Variants in STX8 observed in about 807,000 individuals in gnomAD.
STX8 encodes the protein syntaxin-8.
A neutral mutation model predicts 37.5 loss-of-function variants in STX8; 23 were observed. That is an observed-to-expected ratio of 0.61 (90% CI 0.44 to 0.87). The LOEUF (loss-of-function observed/expected upper bound fraction) is 0.87, where lower values mean the gene tolerates loss of function less well. Among genes scored for constraint, STX8 ranks in the 40% least tolerant of loss-of-function variants. The pLI is 0.00. For synonymous variants in STX8, 115 were observed against 99.1 expected, an observed-to-expected ratio of 1.16 and a Z score of -0.95; for missense variants, 313 against 284.7, an observed-to-expected ratio of 1.10 and a Z score of -0.71.
intron 5 of STX8, among the ~76,000 whole-genome samples, chr17:9,504,310 C>G (rs565336085): frequency 1.3e-5 from 2 of 150,100 alleles, no homozygotes; most frequent in Admixed American, 1.3e-4. Flanking sequence ...ATGCATACTT[C>G]TGAAATTTTA....
At chr17:9,538,638 T>G (rs1278379657) in intron 4 of STX8, among the ~76,000 whole-genome samples, 1 of 152,242 alleles carries the variant, frequency 6.6e-6, no homozygotes, top group Non-Finnish European at 1.5e-5. Flanking sequence ...CGTAGACGTT[T>G]CATTATCATC....
intron 6 of STX8, among the ~76,000 whole-genome samples, chr17:9,398,775 G>A (rs1912498248): frequency 6.6e-6 from 1 of 152,160 alleles, no homozygotes; most frequent in African/African-American, 2.4e-5. Flanking sequence ...CTGGCTGGGT[G>A]CAGTGCTCAC....
intron 7 of STX8, among the ~76,000 whole-genome samples, chr17:9,324,370 C>G (rs371954137): frequency 6.6e-6 from 1 of 152,006 alleles, no homozygotes; most frequent in Non-Finnish European, 1.5e-5. Context: ...GAGGGTGATA[C>G]CTAGAGAACA....
At chr17:9,255,633 G>A (rs990795013) in intron 7 of STX8, among the ~76,000 whole-genome samples, 14 of 152,204 alleles carry the variant, frequency 9.2e-5, no homozygotes, top group African/African-American at 2.9e-4. Context: ...AAGCTGATAA[G>A]ATGTGATAAA....
intron 6 of STX8, among the ~76,000 whole-genome samples, chr17:9,403,907 A>G (rs1326149118): frequency 6.6e-6 from 1 of 152,004 alleles, no homozygotes; most frequent in Non-Finnish European, 1.5e-5. Context: ...CGGCCTCCCA[A>G]AGTGCTGGGA....
chr17:9,511,042 A>G (rs1400906213), intron 4 of STX8, among the ~76,000 whole-genome samples: 3 of 152,110 alleles, frequency 2.0e-5, no homozygotes, highest in Admixed American at 1.3e-4. Flanking sequence ...CATACAACCT[A>G]TCAAGATTGA....
intron 6 of STX8, among the ~76,000 whole-genome samples, chr17:9,441,467 C>CG (rs77093133): frequency 1 from 149,064 of 149,208 alleles, 74,462 homozygotes; most frequent in Middle Eastern, 1. Flanking sequence ...TCCAACCTGG[C>CG]ACAGAGCGAG....
intron 7 of STX8, among the ~76,000 whole-genome samples, chr17:9,264,573 G>A (rs1448713590): frequency 6.6e-6 from 1 of 152,090 alleles, no homozygotes; most frequent in African/African-American, 2.4e-5. Flanking sequence ...CCAAAGTTCT[G>A]TGATTACAGG....
intron 3 of STX8, among the ~76,000 whole-genome samples, chr17:9,556,112 C>T (rs561914810): frequency 3.2e-4 from 48 of 152,188 alleles, no homozygotes; most frequent in East Asian, 2.3e-3. Flanking sequence ...TTAGTGGATC[C>T]GTAATTGAAT....
chr17:9,337,847 C>G (rs1910188037), intron 7 of STX8, among the ~76,000 whole-genome samples: 1 of 152,048 alleles, frequency 6.6e-6, no homozygotes, highest in African/African-American at 2.4e-5. Context: ...AAAGGAAAGC[C>G]AGGGATGCCA....
chr17:9,528,968 G>A (rs543977689), intron 4 of STX8, among the ~76,000 whole-genome samples: 11 of 152,154 alleles, frequency 7.2e-5, no homozygotes, highest in African/African-American at 2.2e-4. Flanking sequence ...AGTGGGGATC[G>A]GGCAGAACCT....
chr17:9,296,008 G>C (rs369975870), intron 7 of STX8, among the ~76,000 whole-genome samples: 5 of 152,048 alleles, frequency 3.3e-5, no homozygotes, highest in African/African-American at 1.2e-4. Flanking sequence ...GGCTAACACG[G>C]TGAAACCCTG....
At chr17:9,326,458 TTGG>T (rs1198646775) in intron 7 of STX8, among the ~76,000 whole-genome samples, 1 of 152,206 alleles carries the variant, frequency 6.6e-6, no homozygotes, top group East Asian at 1.9e-4. Flanking sequence ...TCTAGTCTTC[TTGG>T]TGATTTGCTT....
intron 7 of STX8, among the ~76,000 whole-genome samples, chr17:9,280,888 A>G (rs938162848): frequency 1.3e-5 from 2 of 152,224 alleles, no homozygotes; most frequent in Non-Finnish European, 2.9e-5. Flanking sequence ...TCGTAAGGAA[A>G]TTGATGTGGA....
intron 6 of STX8, among the ~76,000 whole-genome samples, chr17:9,417,641 T>C (rs1913247364): frequency 6.6e-6 from 1 of 152,148 alleles, no homozygotes; most frequent in South Asian, 2.1e-4. Context: ...AGCTTCAGGA[T>C]GGGGACTGGT....
chr17:9,341,469 G>A (rs1034964764), intron 7 of STX8, among the ~76,000 whole-genome samples: 1 of 152,252 alleles, frequency 6.6e-6, no homozygotes, highest in African/African-American at 2.4e-5. Context: ...ACAGAGTCTT[G>A]CTCTGTTGCC....
chr17:9,258,341 C>T (rs183955107), intron 7 of STX8, among the ~76,000 whole-genome samples: 4 of 152,298 alleles, frequency 2.6e-5, no homozygotes, highest in Middle Eastern at 3.4e-3. Context: ...GGCAAATACA[C>T]GAAGAAAAGA....
chr17:9,327,818 G>A (rs4426384), intron 7 of STX8, among the ~76,000 whole-genome samples: 8,075 of 152,080 alleles, frequency 0.053, 699 homozygotes, highest in African/African-American at 0.18. Context: ...GGGACTACAG[G>A]TGTGCACCAC....
intron 6 of STX8, among the ~76,000 whole-genome samples, chr17:9,482,901 C>T (rs1044437937): frequency 2.4e-4 from 37 of 151,974 alleles, no homozygotes; most frequent in African/African-American, 8.2e-4. Flanking sequence ...GTAACAAGAG[C>T]GAAACTGCGT....
Sources: gnomAD v4.1 joint callset for allele counts (sites outside exome capture counted in the v4.1 genomes callset) on GRCh38, gnomAD v4.1.1 for gene constraint, MANE v1.5 for transcripts, NCBI Gene and HGNC (gene_info 2026-07-23, HGNC 2026-07-21) for gene names.